FHIT: variants seen among roughly 807,000 people sequenced by gnomAD.
The protein encoded by FHIT is fragile histidine triad diadenosine triphosphatase.
A neutral mutation model predicts 17.9 loss-of-function variants in FHIT; 19 were observed. The observed-to-expected ratio is 1.06, with a 90% CI of 0.74 to 1.56. The LOEUF (loss-of-function observed/expected upper bound fraction) is 1.56, where lower values mean the gene tolerates loss of function less well. Ranked by LOEUF, FHIT falls within the 40% of genes most tolerant of loss-of-function variation. The probability of loss-of-function intolerance (pLI) is 0.00; values close to 1 mark genes in which losing one functional copy is unlikely to be tolerated. For synonymous variants in FHIT, 81 were observed against 69.7 expected (o/e 1.16, Z -0.81); for missense variants, 248 against 189.2 (o/e 1.31, Z -1.82).
At chr3:60,948,940 T>C (rs1553776437) in intron 3 of FHIT, among the ~76,000 whole-genome samples, 1 of 152,106 alleles carries the variant, frequency 6.6e-6, no homozygotes, top group African/African-American at 2.4e-5. Flanking sequence ...TCAATTTGTC[T>C]GGCACATAAC....
At chr3:60,500,797 A>AAAAAAT (rs2034495150) in intron 5 of FHIT, among the ~76,000 whole-genome samples, 1 of 145,330 alleles carries the variant, frequency 6.9e-6, no homozygotes, top group African/African-American at 2.6e-5. Context: ...AAAAAAAAAA[A>AAAAAAT]TTGTATTGGT....
At chr3:60,364,904 T>A in intron 5 of FHIT, among the ~76,000 whole-genome samples, 1 of 152,150 alleles carries the variant, frequency 6.6e-6, no homozygotes, top group East Asian at 1.9e-4. Flanking sequence ...TCCTGGTTCT[T>A]GGACCTTGGG....
At chr3:60,450,400 A>G (rs1470797467) in intron 5 of FHIT, among the ~76,000 whole-genome samples, 1 of 152,106 alleles carries the variant, frequency 6.6e-6, no homozygotes. Flanking sequence ...AGATATAAAT[A>G]TGTATATATA....
At chr3:59,907,062 T>C (rs1227257927) in intron 8 of FHIT, among the ~76,000 whole-genome samples, 1 of 152,172 alleles carries the variant, frequency 6.6e-6, no homozygotes, top group Non-Finnish European at 1.5e-5. Context: ...CAGGTGACCA[T>C]GATGAATACC....
At chr3:61,142,290 C>G (rs941664320) in intron 2 of FHIT, among the ~76,000 whole-genome samples, 1 of 151,474 alleles carries the variant, frequency 6.6e-6, no homozygotes, top group Non-Finnish European at 1.5e-5. Context: ...TCTGCTGAGT[C>G]AAAAGTAAGC....
intron 1 of FHIT, among the ~76,000 whole-genome samples, chr3:61,236,780 A>T (rs950826964): frequency 3.9e-5 from 6 of 152,204 alleles, no homozygotes; most frequent in African/African-American, 1.4e-4. Context: ...CAGAGTGATG[A>T]CAGCAGACTG....
chr3:59,976,383 T>C (rs1209936351), intron 7 of FHIT, among the ~76,000 whole-genome samples: 1 of 152,040 alleles, frequency 6.6e-6, no homozygotes, highest in East Asian at 1.9e-4. Flanking sequence ...ATCAGCATAC[T>C]TTTCAAATAC....
chr3:60,277,952 A>C (rs1357765923), intron 5 of FHIT, among the ~76,000 whole-genome samples: 1 of 152,186 alleles, frequency 6.6e-6, no homozygotes, highest in Admixed American at 6.5e-5. Flanking sequence ...GAAATTAATG[A>C]CTTTTTTAGA....
At chr3:60,148,709 T>A (rs1377702625) in intron 5 of FHIT, among the ~76,000 whole-genome samples, 7 of 152,142 alleles carry the variant, frequency 4.6e-5, no homozygotes, top group Admixed American at 4.6e-4. Context: ...TAAAAGAATG[T>A]CTCTTGCAGA....
At chr3:60,330,575 C>T (rs1051124465) in intron 5 of FHIT, among the ~76,000 whole-genome samples, 6 of 152,178 alleles carry the variant, frequency 3.9e-5, no homozygotes, top group Admixed American at 3.9e-4. Context: ...TTCAGGCATC[C>T]AGATTGTTCT....
intron 3 of FHIT, among the ~76,000 whole-genome samples, chr3:60,955,635 C>CATATATATATATACATATATACAT (rs1553778580): frequency 2.1e-5 from 1 of 48,370 alleles, no homozygotes; most frequent in Non-Finnish European, 4.4e-5. Flanking sequence ...TATATATATA[C>CATATATATATATACATATATACAT]ACACACACAC....
chr3:59,906,079 C>A (rs955149651), intron 8 of FHIT, among the ~76,000 whole-genome samples: 1 of 152,214 alleles, frequency 6.6e-6, no homozygotes, highest in African/African-American at 2.4e-5. Context: ...TCTAATGGAT[C>A]TTTCCTTTTC....
intron 5 of FHIT, among the ~76,000 whole-genome samples, chr3:60,251,863 A>T (rs532301113): frequency 3.3e-5 from 5 of 152,332 alleles, no homozygotes; most frequent in Non-Finnish European, 5.9e-5. Context: ...AGTCAGACAG[A>T]TGTAGCCTCT....
At chr3:60,349,649 C>T (rs1014054245) in intron 5 of FHIT, among the ~76,000 whole-genome samples, 6 of 151,966 alleles carry the variant, frequency 3.9e-5, no homozygotes, top group African/African-American at 9.7e-5. Flanking sequence ...TATTAATAAA[C>T]GTATATATAA....
chr3:60,610,687 ATAT>A (rs1553673191), intron 4 of FHIT, among the ~76,000 whole-genome samples: 1 of 152,212 alleles, frequency 6.6e-6, no homozygotes, highest in African/African-American at 2.4e-5. Context: ...CTTCGAAAAA[ATAT>A]TAATAATATC....
rs191906678 is a variant in FHIT, at chr3:61,245,120, T to C, written c.-213+6181A>G. ...CTAAGTCCTCTTAGTATTCAAAATA[T>C]GATAAACAAGGAAACAGAGCAGGAT... is the stretch of plus-strand genomic sequence containing the variant. On this transcript the variant is annotated intron_variant, in intron 1 of 9. Coordinates refer to ENST00000492590, the MANE Select transcript of FHIT (RefSeq NM_002012.4). 8.4e-3 allele frequency among the ~76,000 whole-genome samples: 1,274 copies of C among 152,258 alleles called. 22 individuals are homozygous for C. Among genetic ancestry groups the C allele is most frequent in the African/African-American group, 0.029 (1,212 of 41,536 alleles).
intron 8 of FHIT, among the ~76,000 whole-genome samples, chr3:59,838,144 A>G (rs2106735594): frequency 6.6e-6 from 1 of 152,172 alleles, no homozygotes; most frequent in South Asian, 2.1e-4. Context: ...TCTAGCCTTC[A>G]TAACTAGCAC....
Position 59,747,887 on chromosome 3 carries a change from T to G in FHIT, c.*1698A>C, listed in dbSNP as rs1263421270. Among the ~76,000 whole-genome samples, 1 of 152,188 alleles carries G rather than the reference T, an allele frequency of 6.6e-6. No homozygotes were observed. Among genetic ancestry groups the G allele is most frequent in the Admixed American group, 6.5e-5 (1 of 15,268 alleles). ...TCTGGGTTTAAGATCTGGCCTCCAC[T>G]GCTGTTTCTCCAAAGTTGGGAGTCA... On this transcript the variant is annotated 3_prime_UTR_variant, in exon 10 of 10. Transcript: ENST00000492590.
chr3:59,901,350 G>C (rs78784066), intron 8 of FHIT, among the ~76,000 whole-genome samples: 1 of 152,124 alleles, frequency 6.6e-6, no homozygotes, highest in Non-Finnish European at 1.5e-5. Flanking sequence ...GCAAGACAAA[G>C]GTAAGTATGC....
Sources: gnomAD v4.1 joint callset for allele counts (sites outside exome capture counted in the v4.1 genomes callset) on GRCh38, gnomAD v4.1.1 for gene constraint, MANE v1.5 for transcripts, NCBI Gene and HGNC (gene_info 2026-07-23, HGNC 2026-07-21) for gene names.